Variants in DIAPH3 observed in about 807,000 individuals in gnomAD.
The protein encoded by DIAPH3 is diaphanous related formin 3.
A neutral mutation model predicts 144.3 loss-of-function variants in DIAPH3; 117 were observed. That is an observed-to-expected ratio of 0.81 (90% confidence interval 0.70 to 0.95). The LOEUF is 0.95. DIAPH3 is among the 40% of genes least tolerant of loss of function. The pLI is 0.00. For synonymous variants in DIAPH3, 519 were observed against 488.9 expected, an observed-to-expected ratio of 1.06 and a Z score of -0.81; for missense variants, 1,421 against 1,412.7, an observed-to-expected ratio of 1.01 and a Z score of -0.09.
intron 17 of DIAPH3, among the ~76,000 whole-genome samples, chr13:59,964,489 A>G (rs926159475): frequency 6.6e-6 from 1 of 152,062 alleles, no homozygotes; most frequent in East Asian, 1.9e-4. Context: ...TATACTGTAC[A>G]GATGTTACAA....
At chr13:60,138,125 G>A (rs559399186) in intron 1 of DIAPH3, among the ~76,000 whole-genome samples, 40 of 152,248 alleles carry the variant, frequency 2.6e-4, no homozygotes, top group Admixed American at 2.0e-4. Flanking sequence ...AGATCCTCCG[G>A]ACCAGCTGGT....
chr13:59,796,005 T>C (rs1207226912), intron 25 of DIAPH3, among the ~76,000 whole-genome samples: 50 of 152,116 alleles, frequency 3.3e-4, no homozygotes, highest in Admixed American at 3.3e-3. Flanking sequence ...TTAACAGCTG[T>C]GGTAAAAAGT....
intron 4 of DIAPH3, among the ~76,000 whole-genome samples, chr13:60,044,868 T>G (rs2055954189): frequency 6.6e-6 from 1 of 152,140 alleles, no homozygotes; most frequent in Non-Finnish European, 1.5e-5. Flanking sequence ...CTCATGATAG[T>G]CAGTGAGTTC....
rs77825545 is a variant in DIAPH3 at position 59,766,331 on chromosome 13, A to C, written c.3319+7858T>G. ...TCTGCAACTGGGCCATTAATGTAAA[A>C]ATTATTTTGTGTCTCCCTGATCACT... On this transcript the variant is annotated intron_variant, in intron 27 of 27. Transcript: ENST00000400324. Among the ~76,000 whole-genome samples, 1,164 of 152,196 alleles carry C rather than the reference A, an allele frequency of 7.6e-3. 52 individuals are homozygous for C. In the East Asian group the frequency reaches 0.11, roughly 14 times the overall value.
At chr13:59,990,581 A>T (rs1156736991) in intron 12 of DIAPH3, among the ~76,000 whole-genome samples, 1 of 151,918 alleles carries the variant, frequency 6.6e-6, no homozygotes, top group Non-Finnish European at 1.5e-5. Context: ...CCCATATTTC[A>T]TCTGCCTAAC....
At chr13:59,775,524 G>A (rs1487133887) in intron 25 of DIAPH3, among the ~76,000 whole-genome samples, 1 of 152,226 alleles carries the variant, frequency 6.6e-6, no homozygotes. Flanking sequence ...TTACAGGCGT[G>A]AGCCACTGCA....
At chr13:59,752,373 T>G (rs1345459238) in intron 27 of DIAPH3, among the ~76,000 whole-genome samples, 1 of 151,552 alleles carries the variant, frequency 6.6e-6, no homozygotes, top group Non-Finnish European at 1.5e-5. Context: ...GTCAATTTTT[T>G]TTTTTTTTTT....
chr13:59,692,633 A>C (rs926185733), intron 27 of DIAPH3, among the ~76,000 whole-genome samples: 1 of 152,084 alleles, frequency 6.6e-6, no homozygotes, highest in Admixed American at 6.6e-5. Context: ...TATGCCTCAA[A>C]TGACACAGTG....
intron 25 of DIAPH3, among the ~76,000 whole-genome samples, chr13:59,786,002 T>C (rs1377166201): frequency 6.6e-6 from 1 of 152,134 alleles, no homozygotes; most frequent in African/African-American, 2.4e-5. Flanking sequence ...GGTCATTCTT[T>C]TAGTTGCTCT....
chr13:60,087,345 C>T (rs1346229954), intron 4 of DIAPH3, among the ~76,000 whole-genome samples: 1 of 152,142 alleles, frequency 6.6e-6, no homozygotes, highest in Non-Finnish European at 1.5e-5. Context: ...TCCTTGAGAA[C>T]ATAATGGCCT....
At chr13:60,017,202 G>A (rs954087186) in intron 5 of DIAPH3, among the ~76,000 whole-genome samples, 9 of 151,822 alleles carry the variant, frequency 5.9e-5, no homozygotes, top group African/African-American at 1.9e-4. Context: ...TCAGGAGTTC[G>A]AGACCAGCCT....
chr13:59,972,224 T>C (rs1445435617), intron 15 of DIAPH3, among the ~76,000 whole-genome samples: 1 of 152,112 alleles, frequency 6.6e-6, no homozygotes, highest in African/African-American at 2.4e-5. Flanking sequence ...CCTAAAAGAC[T>C]GCTTTGCAGA....
intron 20 of DIAPH3, among the ~76,000 whole-genome samples, chr13:59,907,499 T>C (rs2046798028): frequency 6.6e-6 from 1 of 152,158 alleles, no homozygotes; most frequent in Admixed American, 6.5e-5. Context: ...GACATATAAA[T>C]ATATGATCAT....
chr13:59,802,874 C>G (rs1295509421), intron 25 of DIAPH3, among the ~76,000 whole-genome samples: 1 of 148,620 alleles, frequency 6.7e-6, no homozygotes, highest in Non-Finnish European at 1.5e-5. Flanking sequence ...TTAGTAGAGA[C>G]GGGGTTTCAC....
intron 27 of DIAPH3, among the ~76,000 whole-genome samples, chr13:59,692,922 T>C (rs1046720031): frequency 2.6e-5 from 4 of 152,186 alleles, no homozygotes; most frequent in African/African-American, 7.2e-5. Flanking sequence ...TTACATTCTA[T>C]TGGCAAAGGC....
At position 60,126,489 on chromosome 13, in the gene DIAPH3, G is replaced by A. The variant is rs79448423; in HGVS notation, c.213+6468C>T. On this transcript the variant is annotated intron_variant, in intron 2 of 27. Transcript: ENST00000400324. ...TACGTGAAGCAAAAACCAATCGAACGGGAAAAATAAAATCTAAAATCACAG... is the reference window on the plus strand; with the variant it reads ...TACGTGAAGCAAAAACCAATCGAACAGGAAAAATAAAATCTAAAATCACAG... 9.3e-3 allele frequency among the ~76,000 whole-genome samples: 1,408 copies of A among 152,172 alleles called. 17 individuals are homozygous for A. The highest frequency in any genetic ancestry group is 0.038 in the South Asian group (183 of 4,826).
intron 4 of DIAPH3, among the ~76,000 whole-genome samples, chr13:60,092,932 C>G (rs1288179039): frequency 6.6e-6 from 1 of 152,132 alleles, no homozygotes; most frequent in Non-Finnish European, 1.5e-5. Context: ...GTAAATTGAG[C>G]CAAAATCATT....
intron 24 of DIAPH3, among the ~76,000 whole-genome samples, chr13:59,822,178 C>T (rs2139643518): frequency 6.6e-6 from 1 of 152,168 alleles, no homozygotes; most frequent in South Asian, 2.1e-4. Context: ...TAAAGTTTTT[C>T]CCAAAGTATA....
chr13:59,719,638 G>T (rs2035239644), intron 27 of DIAPH3, among the ~76,000 whole-genome samples: 1 of 152,028 alleles, frequency 6.6e-6, no homozygotes, highest in Admixed American at 6.6e-5. Flanking sequence ...CTGAATTTGT[G>T]TCTATACCTC....
Sources: gnomAD v4.1 joint callset for allele counts (sites outside exome capture counted in the v4.1 genomes callset) on GRCh38, gnomAD v4.1.1 for gene constraint, MANE v1.5 for transcripts, NCBI Gene and HGNC (gene_info 2026-07-23, HGNC 2026-07-21) for gene names.